MTCL1: variants seen among roughly 807,000 people sequenced by gnomAD.
MTCL1 encodes the protein microtubule cross-linking factor 1.
A neutral mutation model predicts 141.4 loss-of-function variants in MTCL1; 79 were observed. The ratio of observed to expected loss-of-function variants is 0.56; its 90% confidence interval spans 0.47 to 0.67. The LOEUF is 0.67. MTCL1 is among the 30% of genes least tolerant of loss of function. The pLI, the probability that MTCL1 is intolerant of heterozygous loss-of-function variation, is 0.00. For missense variants in MTCL1, 2,177 were observed against 2,113.9 expected (o/e 1.03, Z -0.59); for synonymous variants, 914 against 875.8 (o/e 1.04, Z -0.77).
intron 4 of MTCL1, among the ~76,000 whole-genome samples, chr18:8,763,172 C>T (rs556282105): frequency 2.0e-5 from 3 of 152,184 alleles, no homozygotes; most frequent in African/African-American, 7.2e-5. Flanking sequence ...CCGAGTTGTT[C>T]TGTCTGGCTT....
chr18:8,808,170 G>A (rs1304452947), intron 11 of MTCL1, among the ~76,000 whole-genome samples: 3 of 152,206 alleles, frequency 2.0e-5, no homozygotes, highest in African/African-American at 7.2e-5. Flanking sequence ...CCTGATTGTG[G>A]CTCCTGCCTG....
chr18:8,710,875 CT>C lies in MTCL1; in HGVS notation c.1053+4173del, dbSNP rs1221391279. ...TTTTTTTTAATCTGTTTTCTTTTTT[CT>C]TTTTTTTTTTACTTTTTTTTTTTTT... On this transcript the variant is annotated intron_variant, in intron 1 of 13. Coordinates refer to the MTCL1 transcript ENST00000306329. Among the ~76,000 whole-genome samples, 13 of 41,748 alleles carry C rather than the reference CT, an allele frequency of 3.1e-4. 1 individual carries two copies. Among genetic ancestry groups the C allele is most frequent in the East Asian group, 1.3e-3 (2 of 1,572 alleles). 27.4% of individuals were successfully genotyped at this position (41,748 alleles called of 152,430 possible).
chr18:8,809,292 G>A (rs1420090539), intron 11 of MTCL1, among the ~76,000 whole-genome samples: 2 of 152,294 alleles, frequency 1.3e-5, no homozygotes, highest in South Asian at 2.1e-4. Flanking sequence ...GGAAAGAGAC[G>A]CATCTTTATG....
exon 15 of MTCL1, chr18:8,825,420 G>C: frequency 3.2e-6 from 5 of 1,551,554 alleles, no homozygotes; most frequent in Non-Finnish European, 4.4e-6. Context: ...CGAGCTGCAA[G>C]TCAAGGACAT....
exon 15 of MTCL1, chr18:8,825,742 C>T (rs761294685): frequency 1.9e-6 from 3 of 1,614,194 alleles, no homozygotes; most frequent in Admixed American, 3.3e-5. Flanking sequence ...AACAGGACGT[C>T]ACCAGGGATG....
chr18:8,710,733 A>T (rs2096083834), intron 1 of MTCL1, among the ~76,000 whole-genome samples: 1 of 151,436 alleles, frequency 6.6e-6, no homozygotes, highest in African/African-American at 2.4e-5. Context: ...GGAGCAATAA[A>T]TGGGGGCAGG....
chr18:8,796,247 C>T (rs566947953), exon 9 of MTCL1: 2 of 1,614,174 alleles, frequency 1.2e-6, no homozygotes, highest in South Asian at 2.2e-5. Flanking sequence ...GGAGGAGCAC[C>T]TCTATGCCTT....
At chr18:8,709,491 G>A (rs147423884) in intron 1 of MTCL1, among the ~76,000 whole-genome samples, 8 of 152,224 alleles carry the variant, frequency 5.3e-5, no homozygotes, top group East Asian at 3.9e-4. Flanking sequence ...TCTGTGCCTC[G>A]TGGGGTACTT....
intron 10 of MTCL1, among the ~76,000 whole-genome samples, chr18:8,799,527 A>G (rs1037800676): frequency 6.6e-6 from 1 of 152,250 alleles, no homozygotes; most frequent in Non-Finnish European, 1.5e-5. Flanking sequence ...AGGTCATGGA[A>G]TGAGTTTTCC....
At chr18:8,756,423 A>G (rs192697333) in intron 4 of MTCL1, among the ~76,000 whole-genome samples, 99 of 145,450 alleles carry the variant, frequency 6.8e-4, no homozygotes, top group South Asian at 1.1e-3. Context: ...ATGTGTATAT[A>G]TGTGTATATA....
intron 8 of MTCL1, among the ~76,000 whole-genome samples, chr18:8,794,573 G>A (rs960584495): frequency 1.3e-5 from 2 of 152,194 alleles, no homozygotes; most frequent in African/African-American, 4.8e-5. Context: ...AGGGTCTCAC[G>A]TTACCTTCAC....
chr18:8,767,531 A>G (rs2096465042), intron 4 of MTCL1, among the ~76,000 whole-genome samples: 1 of 152,188 alleles, frequency 6.6e-6, no homozygotes, highest in Admixed American at 6.5e-5. Flanking sequence ...CCTCTGCACA[A>G]AGATGTATTT....
intron 8 of MTCL1, 81 bp from the exon 8 acceptor site, chr18:8,796,151 A>T (rs17482826): frequency 0.13 from 173,532 of 1,365,942 alleles, 12,520 homozygotes; most frequent in Non-Finnish European, 0.13. Context: ...ACTGAGTGGC[A>T]GTTTGCAGGG....
intron 4 of MTCL1, among the ~76,000 whole-genome samples, chr18:8,744,550 C>G (rs2096324689): frequency 6.6e-6 from 1 of 152,210 alleles, no homozygotes; most frequent in Non-Finnish European, 1.5e-5. Flanking sequence ...CTTCCTGCTG[C>G]TTCTTGTGAC....
chr18:8,756,351 GTGTATATATGTATATATGTGTATATA>G (rs1567983207), intron 4 of MTCL1, among the ~76,000 whole-genome samples: 1 of 145,980 alleles, frequency 6.9e-6, no homozygotes, highest in African/African-American at 2.7e-5. Flanking sequence ...GTATATATAT[GTGTATATATGTATATATGTGTATATA>G]TGTATATATG....
At position 8,722,585 on chromosome 18, in the gene MTCL1, TAAGG is replaced by T. The variant is rs202149147; in HGVS notation, c.357+2093_357+2096del. 9.3e-3 allele frequency among the ~76,000 whole-genome samples: 1,418 copies of T among 152,256 alleles called. 25 individuals are homozygous for T. Among genetic ancestry groups the T allele is most frequent in the African/African-American group, 0.033 (1,352 of 41,542 alleles). The stretch of plus-strand genomic sequence containing the variant: ...AGAAAATAAAATGTTGTTAAAATCA[TAAGG>T]AAGAGAAAATATATTTACTATTCAT... On this transcript the variant is annotated intron_variant, in intron 4 of 16. Coordinates refer to ENST00000359865, the Ensembl canonical transcript of MTCL1.
At position 8,706,540 on chromosome 18, in the gene MTCL1, G is replaced by T. The variant is rs774348887; in HGVS notation, c.880G>T (p.Ala294Ser). 8.0e-5 allele frequency: 110 copies of T among 1,377,562 alleles called. No individual in the cohort carries two copies. The African/African-American group carries it at 1.4e-3, about 18-fold the overall frequency. 85.3% of individuals were successfully genotyped at this position (1,377,562 alleles called of 1,614,324 possible). The change falls in exon 1 of 14, where the codon GCG (alanine) becomes TCG (serine). Residue 294 changes from alanine (A) to serine (S), a missense_variant. Coordinates refer to the MTCL1 transcript ENST00000306329. Reference sequence around the variant, plus strand: ...CCCGAGCGGGGTTTCGGGGGGTTTCGCGGGGCCCGGCGTGGCGGAGGATGT... The same window carrying T: ...CCCGAGCGGGGTTTCGGGGGGTTTCTCGGGGCCCGGCGTGGCGGAGGATGT...
chr18:8,826,274 T>G (rs753484561), intron 15 of MTCL1, 42 bp downstream of exon 14: 291 of 1,466,964 alleles, frequency 2.0e-4, no homozygotes, highest in Non-Finnish European at 2.4e-4. Flanking sequence ...CCACCAGCTC[T>G]TCCCTTTAGC....
At chr18:8,719,525 G>C (rs2096153485) in intron 3 of MTCL1, among the ~76,000 whole-genome samples, 1 of 152,158 alleles carries the variant, frequency 6.6e-6, no homozygotes, top group Non-Finnish European at 1.5e-5. Flanking sequence ...CAATATTTAA[G>C]ACTTGACTAC....
Sources: allele counts gnomAD v4.1 joint callset (sites outside exome capture counted in the v4.1 genomes callset), GRCh38; gene constraint gnomAD v4.1.1; transcripts MANE v1.5; gene names NCBI Gene and HGNC (gene_info 2026-07-23, HGNC 2026-07-21).